EPHA8: variants seen among roughly 807,000 people sequenced by gnomAD.
EPHA8 encodes the protein ephrin type-A receptor 8.
EPHA8 carries 58 observed loss-of-function variants against 103.6 expected under a neutral mutation model. The ratio of observed to expected loss-of-function variants is 0.56; its 90% CI spans 0.45 to 0.70. The LOEUF is 0.70. Among genes scored for constraint, EPHA8 ranks in the 30% least tolerant of loss-of-function variants. EPHA8 has a pLI of 0.00. For synonymous variants in EPHA8, 559 were observed against 572.5 expected (o/e 0.98, Z 0.34); for missense variants, 1,304 against 1,395.2 (o/e 0.93, Z 1.04).
At chr1:22,599,930 A>G in intron 13 of EPHA8, among the ~76,000 whole-genome samples, 2 of 29,112 alleles carry the variant, frequency 6.9e-5, no homozygotes, top group Non-Finnish European at 6.2e-5. Context: ...GGGACGAGGG[A>G]GGGAGTGGGG....
rs778309303 is a variant in EPHA8, at chr1:22,601,408, G to T, written c.2838G>T (p.Arg946=). The T allele has an allele frequency of 6.2e-7, 1 of 1,611,330 alleles. No homozygotes were observed. Among genetic ancestry groups the T allele is most frequent in the African/African-American group, 1.3e-5 (1 of 74,916 alleles). ...GGCTGGACTCCATCCGCATGGGCCG[G>T]TACCGAGACCACTTCGCTGCGGGCG... The part of the protein sequence containing the change: ...GDWLDSIRMG[R]YRDHFAAGGY... The change falls in exon 16 of 17, where the codon CGG becomes CGT. Residue 946 remains arginine (R), a synonymous_variant. Transcript: ENST00000166244.
rs573774638 is a variant in EPHA8, at chr1:22,589,446, C to A, written c.1315+240C>A. 6.7e-7 allele frequency: 1 copy of A among 1,490,526 alleles called. No homozygotes were observed. The highest frequency in any genetic ancestry group is 1.4e-5 in the South Asian group (1 of 70,834). The allele number at this position is 1,490,526 out of a possible 1,614,324, so 92.3% of individuals were successfully genotyped here. A position where few individuals can be genotyped will look rare whatever the true frequency, so the allele number is the denominator to read the frequency against. ...CTCAGAGGCAGGCTAGTGTGGCCGT[C>A]GAAAGCCTAGGTTCCAGAACTTTCC... On this transcript the variant is annotated intron_variant, in intron 5 of 16. Coordinates refer to ENST00000166244, the MANE Select transcript of EPHA8 (RefSeq NM_020526.5). The surrounding 1 kb of genome is among the most constrained non-coding windows in gnomAD (Gnocchi z 4.3).
At chr1:22,586,353 T>G in intron 3 of EPHA8, 127 bp from the exon 4 acceptor site, 1 of 1,116,460 alleles carries the variant, frequency 9.0e-7, no homozygotes, top group Non-Finnish European at 1.3e-6. Context: ...CACTGGGCAG[T>G]GTGAAGGTCT....
intron 7 of EPHA8, among the ~76,000 whole-genome samples, chr1:22,594,769 C>A (rs1641471240): frequency 6.6e-6 from 1 of 152,178 alleles, no homozygotes; most frequent in Admixed American, 6.5e-5. Context: ...TACTGTGTGG[C>A]CTCAAGTCAA....
chr1:22,576,695 C>T lies in EPHA8; in HGVS notation c.638C>T (p.Ala213Val). The change falls in exon 3 of 17, where the codon GCC becomes GTC. Residue 213 changes from alanine to valine, a missense_variant. Transcript: ENST00000166244. This position sits in a 1 kb window ranked among gnomAD's most constrained non-coding sequence, Gnocchi z 4.8. ...KCPAMVRNLA[A>V]FSEAVTGADS... ...CCTGCCATGGTGCGCAATCTGGCTG[C>T]CTTCTCGGAGGCAGTGACGGGGGCC... is the stretch of plus-strand genomic sequence containing the variant. 1.2e-6 allele frequency: 2 copies of T among 1,613,900 alleles called. No homozygotes were observed. The highest frequency in any genetic ancestry group is 2.2e-5 in the South Asian group (2 of 91,084).
intron 15 of EPHA8, 65 bp from the exon 16 acceptor site, chr1:22,601,235 T>A: frequency 6.5e-7 from 1 of 1,547,228 alleles, no homozygotes. Context: ...TTCCTCAGCC[T>A]GCTTCTTCTG....
rs1315588721 is a variant in EPHA8 at position 22,597,552 on chromosome 1, A to T, written c.1930+76A>T. ...CACCCAGGGCAAGGTGGGGGCACCC[A>T]GGGCAGAGGGAGCGTGTGACCCAGG... is the stretch of plus-strand genomic sequence containing the variant. On this transcript the variant is annotated intron_variant, in intron 10 of 16. Coordinates refer to ENST00000166244, the MANE Select transcript of EPHA8 (RefSeq NM_020526.5). This position sits in a 1 kb window ranked among gnomAD's most constrained non-coding sequence, Gnocchi z 4.6. 1.3e-6 allele frequency: 2 copies of T among 1,571,684 alleles called. No homozygotes were observed. Among genetic ancestry groups the T allele is most frequent in the Admixed American group, 1.8e-5 (1 of 56,580 alleles).
chr1:22,564,516 C>T (rs1640299147), intron 1 of EPHA8, among the ~76,000 whole-genome samples: 1 of 151,666 alleles, frequency 6.6e-6, no homozygotes, highest in Admixed American at 6.6e-5. Context: ...GCTGGGATGG[C>T]AGGGTCACTC....
chr1:22,568,883 T>C lies in EPHA8; in HGVS notation c.95-406T>C, dbSNP rs544457152. 2.6e-5 allele frequency among the ~76,000 whole-genome samples: 4 copies of C among 152,292 alleles called. No individual in the cohort carries two copies. In the South Asian group the frequency reaches 8.3e-4, roughly 32 times the overall value. On this transcript the variant is annotated intron_variant, in intron 1 of 16. Transcript: ENST00000166244. Reference sequence around the variant, plus strand: ...GACCGGAATTGTTATCACCCCATTTTACAGAGGAGGAAGCTGAGACTCAGG... The same window carrying C: ...GACCGGAATTGTTATCACCCCATTTCACAGAGGAGGAAGCTGAGACTCAGG...
chr1:22,568,950 G>T (rs1557550095), intron 1 of EPHA8, among the ~76,000 whole-genome samples: 1 of 152,208 alleles, frequency 6.6e-6, no homozygotes, highest in Non-Finnish European at 1.5e-5. Flanking sequence ...CTCCTAAGTG[G>T]CACAACTGGG....
chr1:22,598,449 A>AG lies in EPHA8; in HGVS notation c.2178+243dup, dbSNP rs1372860088. On this transcript the variant is annotated intron_variant, in intron 12 of 16. Transcript: ENST00000166244. The surrounding 1 kb of genome is among the most constrained non-coding windows in gnomAD (Gnocchi z 5.1). ...ATCCTGCTGCCCTGCACACAGGCTGAGGGGGGTGCCTCTGTGGGAATCCAG... is the reference window on the plus strand; with the variant it reads ...ATCCTGCTGCCCTGCACACAGGCTGAGGGGGGGTGCCTCTGTGGGAATCCAG... Among the ~76,000 whole-genome samples, 1 of 152,098 alleles carries AG rather than the reference A, an allele frequency of 6.6e-6. No homozygotes were observed. The highest frequency in any genetic ancestry group is 6.5e-5 in the Admixed American group (1 of 15,280).
intron 2 of EPHA8, among the ~76,000 whole-genome samples, chr1:22,575,455 C>A (rs554468646): frequency 6.6e-6 from 1 of 152,032 alleles, no homozygotes; most frequent in Non-Finnish European, 1.5e-5. Flanking sequence ...CTGTTGTTGT[C>A]GAGTTGTGGG....
rs895380846 is a variant in EPHA8 at position 22,593,520 on chromosome 1, G to T, written c.1441-4G>T. 5 of 1,611,388 alleles carry T rather than the reference G, an allele frequency of 3.1e-6. No individual in the cohort carries two copies. The highest frequency in any genetic ancestry group is 2.7e-5 in the African/African-American group (2 of 74,932). On this transcript the variant is annotated splice_region_variant and splice_polypyrimidine_tract_variant and intron_variant, in intron 6 of 16. Transcript: ENST00000166244. ...AGGGCCCACTGACCACCGTCCCGTG[G>T]CAGGACAAGGAGATGCAGAGCTACT...
In EPHA8 at chr1:22,601,994, G is replaced by C. The variant is rs1641752577; in HGVS notation, c.*253G>C. Reference sequence around the variant, plus strand: ...GGCACCTTCTCTTTTCCAGAGCCTGGGGCCTCCACGTCACAGAGTCCAACA... The same window carrying C: ...GGCACCTTCTCTTTTCCAGAGCCTGCGGCCTCCACGTCACAGAGTCCAACA... On this transcript the variant is annotated 3_prime_UTR_variant, in exon 17 of 17. Coordinates refer to ENST00000166244, the MANE Select transcript of EPHA8 (RefSeq NM_020526.5). The C allele has an allele frequency of 3.5e-6, 2 of 569,482 alleles. No individual in the cohort carries two copies. The highest frequency in any genetic ancestry group is 3.9e-5 in the African/African-American group (2 of 51,318). 35.3% of individuals were successfully genotyped at this position (569,482 alleles called of 1,614,324 possible). A position where few individuals can be genotyped will look rare whatever the true frequency, so the allele number is the denominator to read the frequency against.
intron 2 of EPHA8, among the ~76,000 whole-genome samples, chr1:22,574,223 C>T (rs1391588871): frequency 2.0e-5 from 3 of 152,140 alleles, no homozygotes; most frequent in Non-Finnish European, 2.9e-5. Flanking sequence ...TCGTGATCCG[C>T]CTGCCTCAGC....
rs762631777 is a variant in EPHA8 at position 22,588,969 on chromosome 1, A to G, written c.1078A>G (p.Ile360Val). The change falls in exon 5 of 17, where the codon ATC (isoleucine) becomes GTC (valine). Residue 360 changes from isoleucine to valine, a missense_variant. Ile to Val is a conservative substitution (Grantham distance 29). Transcript: ENST00000166244. The stretch of plus-strand genomic sequence containing the variant: ...CCTGGACCCAGGTGGCCGCAGTGAC[A>G]TCACCTACAATGCCGTGTGCCGCCG... Reference protein sequence around the residue: ...PPLDPGGRSDITYNAVCRRCP... With the variant: ...PPLDPGGRSDVTYNAVCRRCP... 8 of 1,613,462 alleles carry G rather than the reference A, an allele frequency of 5.0e-6. No individual in the cohort carries two copies. The highest frequency in any genetic ancestry group is 1.7e-5 in the Admixed American group (1 of 59,998).
At position 22,569,296 on chromosome 1, in the gene EPHA8, G is replaced by T; in HGVS notation, c.102G>T (p.Leu34Phe). 6.2e-7 allele frequency: 1 copy of T among 1,613,076 alleles called. No homozygotes were observed. The highest frequency in any genetic ancestry group is 8.5e-7 in the Non-Finnish European group (1 of 1,179,586). ...TTGTCTCCTGTTTTACAGTGAATTT[G>T]CTGGACACGTCGACCATCCACGGGG... ...CVSAARGEVN[L>F]LDTSTIHGDW... is the part of the protein sequence containing the mutation. The change falls in exon 2 of 17, where the codon TTG (leucine) becomes TTT (phenylalanine). Residue 34 changes from leucine to phenylalanine, a missense_variant. Coordinates refer to ENST00000166244, the MANE Select transcript of EPHA8 (RefSeq NM_020526.5). The surrounding 1 kb of genome is among the most constrained non-coding windows in gnomAD (Gnocchi z 4.5).
In EPHA8 at chr1:22,595,338, C is replaced by T. The variant is rs562274284; in HGVS notation, c.1697+15C>T. On this transcript the variant is annotated intron_variant, in intron 8 of 16. Transcript: ENST00000166244. ...TGCAAGAAGAGGTGGGTGGTCTGGCCCAGCCACACCCAGCCCCTCCTCTCA... is the reference window on the plus strand; with the variant it reads ...TGCAAGAAGAGGTGGGTGGTCTGGCTCAGCCACACCCAGCCCCTCCTCTCA... 2.3e-5 allele frequency: 36 copies of T among 1,597,984 alleles called. No individual in the cohort carries two copies. Among genetic ancestry groups the T allele is most frequent in the East Asian group, 2.0e-4 (9 of 44,544 alleles).
Position 22,597,326 on chromosome 1 carries a change from T to G in EPHA8, c.1780T>G (p.Phe594Val). The change falls in exon 10 of 17, where the codon TTC (phenylalanine) becomes GTC (valine). Residue 594 changes from phenylalanine (F) to valine (V), a missense_variant. Physicochemically the swap from Phe to Val is conservative, Grantham distance 50. Coordinates refer to ENST00000166244, the MANE Select transcript of EPHA8 (RefSeq NM_020526.5). This position sits in a 1 kb window ranked among gnomAD's most constrained non-coding sequence, Gnocchi z 4.6. ...CCGCCCCTCAGCACCCCCACCTGTC[T>G]TCCTGCCTCTGCATCACCCCCCGGG... ...YQNGQAPPPVFLPLHHPPGKL... is the reference protein window; with the variant it reads ...YQNGQAPPPVVLPLHHPPGKL... 6.3e-7 allele frequency: 1 copy of G among 1,599,062 alleles called. No homozygotes were observed. The highest frequency in any genetic ancestry group is 8.6e-7 in the Non-Finnish European group (1 of 1,169,518).
Sources: allele counts gnomAD v4.1 joint callset (sites outside exome capture counted in the v4.1 genomes callset), GRCh38; gene constraint gnomAD v4.1.1; non-coding constraint Gnocchi (gnomAD v3.1); transcripts MANE v1.5; gene names NCBI Gene and HGNC (gene_info 2026-07-23, HGNC 2026-07-21).